The following OLAH variants were observed in gnomAD, a reference collection of about 807,000 sequenced individuals.
OLAH encodes S-acyl fatty acid synthase thioesterase, medium chain.
Under a neutral mutation model 27.8 loss-of-function variants are expected in OLAH, and 33 were observed. That is an observed-to-expected ratio of 1.19 (90% CI 0.90 to 1.59). OLAH has a LOEUF of 1.59. Ranked by LOEUF, OLAH falls within the 40% of genes most tolerant of loss-of-function variation. The pLI, the probability that OLAH is intolerant of heterozygous loss-of-function variation, is 0.00. For synonymous variants in OLAH, 120 were observed against 102.9 expected, an observed-to-expected ratio of 1.17 and a Z score of -1.01; for missense variants, 359 against 310.8, an observed-to-expected ratio of 1.16 and a Z score of -1.17.
chr10:15,069,516 T>C (rs548746349), intron 6 of OLAH, among the ~76,000 whole-genome samples: 17 of 152,274 alleles, frequency 1.1e-4, no homozygotes, highest in Middle Eastern at 3.4e-3. Flanking sequence ...GGTGTCTCTC[T>C]AGCCTCTCGC....
At chr10:15,037,264 T>C (rs1034558604) in intron 1 of OLAH, among the ~76,000 whole-genome samples, 2 of 152,130 alleles carry the variant, frequency 1.3e-5, no homozygotes, top group African/African-American at 4.8e-5. Flanking sequence ...TTTTTAATAC[T>C]TTTATTTTTA....
At chr10:15,054,202 A>G (rs1844202043) in intron 3 of OLAH, among the ~76,000 whole-genome samples, 1 of 151,810 alleles carries the variant, frequency 6.6e-6, no homozygotes, top group Admixed American at 6.6e-5. Context: ...CACCATGCCC[A>G]GTTGATTTTT....
Position 15,065,636 on chromosome 10 carries a change from T to C in OLAH, c.455T>C (p.Ile152Thr). The C allele has an allele frequency of 5.6e-6, 9 of 1,612,038 alleles. No individual in the cohort carries two copies. Among genetic ancestry groups the C allele is most frequent in the Non-Finnish European group, 7.6e-6 (9 of 1,179,596 alleles). ...GATGATGAATTGTCAGAAGAACAAA[T>C]AAGTCATTACCTTATGGAATTTGGA... The part of the protein sequence containing the change: ...PKDDELSEEQ[I>T]SHYLMEFGGT... The change falls in exon 6 of 8, where the codon ATA becomes ACA. Residue 152 changes from isoleucine (I) to threonine (T), a missense_variant. Physicochemically the swap from Ile to Thr is moderately conservative, Grantham distance 89. Transcript: ENST00000378228.
At position 15,065,460 on chromosome 10, in the gene OLAH, T is replaced by C. The variant is rs75718809; in HGVS notation, c.403-124T>C. 914 of 958,470 alleles carry C rather than the reference T, an allele frequency of 9.5e-4. 7 individuals are homozygous for C. In the African/African-American group the frequency reaches 0.013, roughly 14 times the overall value. The allele number at this position is 958,470 out of a possible 1,614,324, so 59.4% of individuals were successfully genotyped here. ...CGACATAGTTCTTTCCTGAAGCCTA[T>C]AGATAAAGCAGTCTACTTCCCAGCC... On this transcript the variant is annotated intron_variant, in intron 5 of 7. Transcript: ENST00000378228.
At chr10:15,061,912 A>C (rs200110990) in intron 4 of OLAH, 50 bp downstream of exon 4, 1 of 1,565,910 alleles carries the variant, frequency 6.4e-7, no homozygotes, top group East Asian at 2.3e-5. Flanking sequence ...TTCTATCTGA[A>C]GTTTGAGGTT....
intron 4 of OLAH, 108 bp downstream of exon 4, chr10:15,061,970 G>C (rs34775529): frequency 2.0e-6 from 2 of 1,018,942 alleles, no homozygotes; most frequent in African/African-American, 1.6e-5. Flanking sequence ...GTATTGGTTA[G>C]ACAGCATGTT....
chr10:15,063,014 C>A (rs989272237), intron 4 of OLAH, among the ~76,000 whole-genome samples: 3 of 152,158 alleles, frequency 2.0e-5, no homozygotes. Flanking sequence ...GCTGGGATTA[C>A]AGGTGTGAGC....
At chr10:15,039,365 G>A (rs944069612), upstream of OLAH, among the ~76,000 whole-genome samples, 4 of 152,112 alleles carry the variant, frequency 2.6e-5, no homozygotes, top group African/African-American at 7.2e-5. Context: ...ATCACCTGAG[G>A]TCAGGAGTTC....
chr10:15,053,548 C>T (rs1844186268), intron 3 of OLAH, among the ~76,000 whole-genome samples: 1 of 152,162 alleles, frequency 6.6e-6, no homozygotes, highest in South Asian at 2.1e-4. Flanking sequence ...GCAGAGAGCC[C>T]ACCCCAAGGG....
At chr10:15,072,241 A>T (rs931286209) in intron 7 of OLAH, among the ~76,000 whole-genome samples, 4 of 151,220 alleles carry the variant, frequency 2.6e-5, no homozygotes, top group Non-Finnish European at 5.9e-5. Flanking sequence ...CAGCTTTTAA[A>T]ATTTTTTTTT....
chr10:15,067,458 T>C (rs1157115705), intron 6 of OLAH, among the ~76,000 whole-genome samples: 1 of 152,110 alleles, frequency 6.6e-6, no homozygotes, highest in African/African-American at 2.4e-5. Flanking sequence ...CAACAAACCA[T>C]GAGCTATTTT....
intron 4 of OLAH, among the ~76,000 whole-genome samples, chr10:15,063,680 C>T (rs1844411417): frequency 6.6e-6 from 1 of 151,946 alleles, no homozygotes; most frequent in African/African-American, 2.4e-5. Context: ...ATATATCTGG[C>T]GATATTTATC....
chr10:15,053,827 AC>A (rs1844192757), intron 3 of OLAH, among the ~76,000 whole-genome samples: 1 of 150,266 alleles, frequency 6.7e-6, no homozygotes. Context: ...CGATCCTCCC[AC>A]CCCAGCCTTC....
rs141112464 is a variant in OLAH at position 15,071,877 on chromosome 10, G to C, written c.655G>C (p.Ala219Pro). The C allele has an allele frequency of 6.2e-3, 10,030 of 1,606,240 alleles. 49 individuals are homozygous for C. The highest frequency in any genetic ancestry group is 0.022 in the Middle Eastern group (132 of 6,044). ...TGAAGACATAGCAAAGGACATGGAA[G>C]GTGAAATTATTTTTAGTCTCGAGTA... ...GSEDIAKDME[A>P]WKDVTSGNAK... is the part of the protein sequence containing the mutation. Residue 219 changes from alanine (A) to proline (P), a missense_variant and splice_region_variant, in exon 7 of 8, where the codon GCC becomes CCC. By Grantham distance (27) the Ala-to-Pro change is conservative. Coordinates refer to ENST00000378228, the MANE Select transcript of OLAH (RefSeq NM_001039702.3).
intron 7 of OLAH, among the ~76,000 whole-genome samples, chr10:15,072,148 G>T (rs1844601907): frequency 6.6e-6 from 1 of 152,120 alleles, no homozygotes; most frequent in Non-Finnish European, 1.5e-5. Flanking sequence ...TGGCCAGGCT[G>T]GCCTCGAACT....
intron 1 of OLAH, among the ~76,000 whole-genome samples, chr10:15,034,258 A>G (rs138050443): frequency 0.029 from 4,401 of 151,688 alleles, 84 homozygotes; most frequent in South Asian, 0.042. Flanking sequence ...TCAGCCTTCC[A>G]AGTAGCTGGG....
chr10:15,049,363 G>C (rs143582301), intron 2 of OLAH, among the ~76,000 whole-genome samples: 1 of 152,052 alleles, frequency 6.6e-6, no homozygotes, highest in African/African-American at 2.4e-5. Flanking sequence ...CAAACTCCTG[G>C]TTGCAAGTGA....
At chr10:15,072,080 C>T (rs1480307175) in intron 7 of OLAH, among the ~76,000 whole-genome samples, 1 of 152,028 alleles carries the variant, frequency 6.6e-6, no homozygotes, top group Non-Finnish European at 1.5e-5. Context: ...ATTACAGGTG[C>T]CGGCCACCAT....
chr10:15,064,613 G>A, intron 5 of OLAH, 111 bp downstream of exon 5: 1 of 622,246 alleles, frequency 1.6e-6, no homozygotes, highest in South Asian at 2.3e-5. Context: ...TGATGATGAT[G>A]GTGGGGATAC....
Sources: gnomAD v4.1 joint callset for allele counts (sites outside exome capture counted in the v4.1 genomes callset) on GRCh38, gnomAD v4.1.1 for gene constraint, MANE v1.5 for transcripts, NCBI Gene and HGNC (gene_info 2026-07-23, HGNC 2026-07-21) for gene names.